The following SNX7 variants were observed in gnomAD, a reference collection of about 807,000 sequenced individuals.
SNX7 encodes the protein sorting nexin 7, also known as sorting nexin-7.
A neutral mutation model predicts 48.4 loss-of-function variants in SNX7; 35 were observed. The observed-to-expected ratio is 0.72, with a 90% CI of 0.55 to 0.96. The LOEUF (loss-of-function observed/expected upper bound fraction) is 0.96. Ranked by LOEUF, SNX7 falls within the 40% of genes least tolerant of loss-of-function variation. SNX7 has a pLI of 0.00. For missense variants in SNX7, 553 were observed against 548.9 expected (o/e 1.01, Z -0.07); for synonymous variants, 190 against 190.2 (o/e 1.00, Z 0.01).
intron 7 of SNX7, among the ~76,000 whole-genome samples, chr1:98,727,960 A>G (rs1231300351): frequency 6.6e-6 from 1 of 152,136 alleles, no homozygotes; most frequent in Non-Finnish European, 1.5e-5. Context: ...TGGAAAAGAA[A>G]CTTCAGAATA....
At chr1:98,726,357 G>T (rs1253750752) in intron 7 of SNX7, among the ~76,000 whole-genome samples, 1 of 152,202 alleles carries the variant, frequency 6.6e-6, no homozygotes, top group Non-Finnish European at 1.5e-5. Context: ...AGCTGCCTGA[G>T]TGGCCAGTAT....
At chr1:98,703,506 A>G (rs550373851) in intron 7 of SNX7, among the ~76,000 whole-genome samples, 1 of 152,198 alleles carries the variant, frequency 6.6e-6, no homozygotes, top group South Asian at 2.1e-4. Context: ...AGGAGAAAGG[A>G]ATCTGTGAGA....
At chr1:98,711,972 A>G (rs1051638632) in intron 7 of SNX7, among the ~76,000 whole-genome samples, 2 of 152,234 alleles carry the variant, frequency 1.3e-5, no homozygotes, top group African/African-American at 2.4e-5. Context: ...TCCCGCCTCA[A>G]GAAATCACTT....
chr1:98,680,487 A>C (rs1650419006), intron 1 of SNX7, among the ~76,000 whole-genome samples: 1 of 152,180 alleles, frequency 6.6e-6, no homozygotes, highest in Non-Finnish European at 1.5e-5. Flanking sequence ...TTCTCCTCAG[A>C]AAATGGGATT....
At chr1:98,740,153 A>G (rs1314185904) in intron 8 of SNX7, among the ~76,000 whole-genome samples, 1 of 152,194 alleles carries the variant, frequency 6.6e-6, no homozygotes, top group African/African-American at 2.4e-5. Flanking sequence ...TTATTCTGGT[A>G]ACAACCCTAA....
At chr1:98,689,903 C>A (rs1026721000) in intron 2 of SNX7, among the ~76,000 whole-genome samples, 1 of 152,062 alleles carries the variant, frequency 6.6e-6, no homozygotes, top group African/African-American at 2.4e-5. Flanking sequence ...GTTTTGTGAA[C>A]ATTTAGTTTC....
chr1:98,745,397 G>A (rs1036057053), intron 8 of SNX7, among the ~76,000 whole-genome samples: 1 of 151,898 alleles, frequency 6.6e-6, no homozygotes, highest in Admixed American at 6.6e-5. Context: ...TCCATAACAA[G>A]GTGCATTTCT....
chr1:98,737,098 G>A (rs1284373664), intron 7 of SNX7, among the ~76,000 whole-genome samples: 1 of 146,388 alleles, frequency 6.8e-6, no homozygotes, highest in Admixed American at 6.8e-5. Flanking sequence ...TTCTCTTTTT[G>A]TTGCAACCAT....
intron 8 of SNX7, among the ~76,000 whole-genome samples, chr1:98,742,362 A>G (rs534439908): frequency 9.2e-5 from 14 of 152,194 alleles, no homozygotes; most frequent in Admixed American, 5.2e-4. Context: ...GCCCTGCTCT[A>G]TATCTCACAT....
At chr1:98,728,219 G>A (rs1653294819) in intron 7 of SNX7, among the ~76,000 whole-genome samples, 1 of 152,132 alleles carries the variant, frequency 6.6e-6, no homozygotes, top group Admixed American at 6.5e-5. Flanking sequence ...AGAAGTGTTT[G>A]GTGGCCAATA....
At chr1:98,751,618 T>G (rs1016094054) in intron 8 of SNX7, among the ~76,000 whole-genome samples, 2 of 152,088 alleles carry the variant, frequency 1.3e-5, no homozygotes, top group Non-Finnish European at 1.5e-5. Context: ...GTGATAAGCT[T>G]TTTTTCTGGT....
At chr1:98,670,802 C>T (rs1369645481) in intron 1 of SNX7, among the ~76,000 whole-genome samples, 1 of 150,502 alleles carries the variant, frequency 6.6e-6, no homozygotes, top group Non-Finnish European at 1.5e-5. Context: ...GTTGTATAAA[C>T]AAAGAAAAAA....
chr1:98,736,102 T>C lies in SNX7; in HGVS notation c.1126-2135T>C, dbSNP rs552015013. On this transcript the variant is annotated intron_variant, in intron 7 of 8. Transcript: ENST00000306121. ...CTCTGCAGTAAATCCTTTCTGGCAGTGACACCATTATAAGCTCCATCAGGC... is the reference window on the plus strand; with the variant it reads ...CTCTGCAGTAAATCCTTTCTGGCAGCGACACCATTATAAGCTCCATCAGGC... 1.3e-3 allele frequency among the ~76,000 whole-genome samples: 198 copies of C among 152,286 alleles called. 1 individual carries two copies. The highest frequency in any genetic ancestry group is 4.5e-3 in the African/African-American group (187 of 41,560).
chr1:98,742,420 CCT>C (rs900447902), intron 8 of SNX7, among the ~76,000 whole-genome samples: 2 of 152,032 alleles, frequency 1.3e-5, no homozygotes, highest in Admixed American at 1.3e-4. Flanking sequence ...ATAGCGCTGT[CCT>C]CTCTGCAGTC....
chr1:98,704,157 T>C (rs1264901924), intron 7 of SNX7, among the ~76,000 whole-genome samples: 2 of 152,158 alleles, frequency 1.3e-5, no homozygotes, highest in African/African-American at 4.8e-5. Flanking sequence ...TATTTTGTTA[T>C]AACTTAATCA....
chr1:98,737,680 T>C (rs1653856871), intron 7 of SNX7, among the ~76,000 whole-genome samples: 1 of 152,128 alleles, frequency 6.6e-6, no homozygotes, highest in African/African-American at 2.4e-5. Context: ...TTGGGCATCT[T>C]GAATTATAAA....
chr1:98,692,549 TA>T (rs1557801171), intron 4 of SNX7, among the ~76,000 whole-genome samples: 1 of 151,820 alleles, frequency 6.6e-6, no homozygotes, highest in South Asian at 2.1e-4. Flanking sequence ...CTAAACACAA[TA>T]AAAAAAATAC....
chr1:98,691,756 T>C (rs1651141145), intron 4 of SNX7, 57 bp downstream of exon 4: 2 of 1,350,110 alleles, frequency 1.5e-6, no homozygotes, highest in African/African-American at 1.5e-5. Context: ...CTATAGTAGA[T>C]TGTATTGTTC....
intron 7 of SNX7, among the ~76,000 whole-genome samples, chr1:98,723,573 G>C (rs1393607125): frequency 5.3e-5 from 8 of 151,894 alleles, no homozygotes; most frequent in Admixed American, 6.6e-5. Flanking sequence ...TTTCTACATA[G>C]AAAATTCTAG....
Sources: allele counts gnomAD v4.1 joint callset (sites outside exome capture counted in the v4.1 genomes callset), GRCh38; gene constraint gnomAD v4.1.1; transcripts MANE v1.5; gene names NCBI Gene and HGNC (gene_info 2026-07-23, HGNC 2026-07-21).